Variants in RTTN observed in about 807,000 individuals in gnomAD.
RTTN encodes rotatin.
In RTTN, 182 loss-of-function variants were observed where a neutral mutation model predicts 269.2. The ratio of observed to expected loss-of-function variants is 0.68; its 90% CI spans 0.60 to 0.76. The LOEUF is 0.76. RTTN is among the 30% of genes least tolerant of loss of function. The probability of loss-of-function intolerance (pLI) is 0.00; values close to 1 mark genes in which losing one functional copy is unlikely to be tolerated. For missense variants in RTTN, 2,545 were observed against 2,608.6 expected (o/e 0.98, Z 0.53); for synonymous variants, 1,006 against 963.5 (o/e 1.04, Z -0.82).
chr18:70,188,046 A>T, intron 10 of RTTN, 62 bp downstream of exon 10: 2 of 1,014,126 alleles, frequency 2.0e-6, no homozygotes, highest in Non-Finnish European at 3.0e-6. Context: ...AAACCGGCTT[A>T]AAAGAACCAA....
intron 35 of RTTN, among the ~76,000 whole-genome samples, chr18:70,060,820 T>G (rs116115216): frequency 2.2e-3 from 328 of 152,286 alleles, no homozygotes; most frequent in African/African-American, 7.5e-3. Context: ...TCAACTTTTT[T>G]TTTTTTTAGT....
chr18:70,081,016 A>AT (rs2058553914), intron 32 of RTTN, among the ~76,000 whole-genome samples: 1 of 151,654 alleles, frequency 6.6e-6, no homozygotes, highest in African/African-American at 2.4e-5. Context: ...AATTAATGGT[A>AT]TTCGCAGTGA....
At chr18:70,193,638 A>G (rs576026365) in intron 7 of RTTN, among the ~76,000 whole-genome samples, 185 bp from the exon 8 acceptor site, 4 of 152,340 alleles carry the variant, frequency 2.6e-5, no homozygotes. Context: ...ATTTAGGTTT[A>G]TATCTAACTG....
At chr18:70,017,269 C>T (rs2056569140) in intron 46 of RTTN, 138 bp downstream of exon 46, 2 of 814,858 alleles carry the variant, frequency 2.5e-6, no homozygotes, top group African/African-American at 1.7e-5. Context: ...CTGATTCATT[C>T]CCATGCCTTC....
At chr18:70,053,147 T>G (rs1043581053) in intron 38 of RTTN, 2 of 152,218 alleles carry the variant, frequency 1.3e-5, no homozygotes, top group Non-Finnish European at 2.9e-5. Flanking sequence ...GCATACATCT[T>G]GTGTATCTTC....
Position 70,166,138 on chromosome 18 carries a change from A to G in RTTN, c.1853T>C (p.Val618Ala), listed in dbSNP as rs2060979827. 2 of 1,613,608 alleles carry G rather than the reference A, an allele frequency of 1.2e-6. No individual in the cohort carries two copies. Among genetic ancestry groups the G allele is most frequent in the Admixed American group, 3.3e-5 (2 of 60,022 alleles). ...SPLLQGESQK[V>A]LLHMLSHPLP... ...TGGGTGAGACAACATATGGAGAAGC[A>G]CCTTCTGACTTTCTCCTTGTAGTAA... Residue 618 changes from valine to alanine, a missense_variant, in exon 14 of 49, where the codon GTG (valine) becomes GCG (alanine). By Grantham distance (64) the Val-to-Ala change is moderately conservative. Transcript: ENST00000640769.
chr18:70,075,218 G>T, intron 33 of RTTN, 134 bp downstream of exon 33: 1 of 591,820 alleles, frequency 1.7e-6, no homozygotes, highest in Non-Finnish European at 2.8e-6. Context: ...CATCTCTCTG[G>T]GTGGTAGAAC....
At position 70,057,790 on chromosome 18, in the gene RTTN, G is replaced by C; in HGVS notation, c.4983C>G (p.Leu1661=). 1 of 1,613,874 alleles carries C rather than the reference G, an allele frequency of 6.2e-7. No homozygotes were observed. ...GAGGTGATGAAGGCAGCAGGGCTCT[G>C]AGTTCCTGGACACATGTCTGTATGA... ...ATLIQTCVQE[L]RALLPSSPPA... Residue 1661 remains leucine, a synonymous_variant, in exon 37 of 49, where the codon CTC becomes CTG. Coordinates refer to ENST00000640769, the MANE Select transcript of RTTN (RefSeq NM_173630.4).
chr18:70,106,534 T>C (rs1429469907), intron 28 of RTTN, among the ~76,000 whole-genome samples: 1 of 152,164 alleles, frequency 6.6e-6, no homozygotes, highest in African/African-American at 2.4e-5. Flanking sequence ...TTGTAGATAT[T>C]GCCATCCCTA....
In RTTN at chr18:70,024,785, C is replaced by T. The variant is rs760437411; in HGVS notation, c.5887G>A (p.Asp1963Asn). The part of the protein sequence containing the change: ...LHSLWPWILM[D>N]DSLMQISLQL... ...AGAGAAATTTGCATCAATGAATCAT[C>T]CATCAAAATCCAAGGCCAGAGAGAG... Residue 1963 changes from aspartate to asparagine, a missense_variant, in exon 44 of 49, where the codon GAT (aspartate) becomes AAT (asparagine). Transcript: ENST00000640769. The T allele has an allele frequency of 6.2e-7, 1 of 1,613,846 alleles. No homozygotes were observed. The highest frequency in any genetic ancestry group is 2.2e-5 in the East Asian group (1 of 44,872).
intron 28 of RTTN, among the ~76,000 whole-genome samples, chr18:70,093,468 T>C (rs1203082921): frequency 6.6e-6 from 1 of 152,244 alleles, no homozygotes; most frequent in Non-Finnish European, 1.5e-5. Flanking sequence ...TATTTTGAGA[T>C]ATGTCTCATC....
intron 40 of RTTN, among the ~76,000 whole-genome samples, chr18:70,033,172 A>C (rs1004038276): frequency 1.3e-5 from 2 of 152,050 alleles, no homozygotes; most frequent in Non-Finnish European, 1.5e-5. Flanking sequence ...TCCTGCTCCC[A>C]CCATGTGAGA....
At chr18:70,108,012 C>T (rs2059366538) in intron 28 of RTTN, among the ~76,000 whole-genome samples, 1 of 152,232 alleles carries the variant, frequency 6.6e-6, no homozygotes, top group African/African-American at 2.4e-5. Flanking sequence ...CAGTGGCTCA[C>T]ACCCGTAATC....
intron 39 of RTTN, among the ~76,000 whole-genome samples, chr18:70,050,615 A>G (rs2057633072): frequency 6.6e-6 from 1 of 152,206 alleles, no homozygotes; most frequent in South Asian, 2.1e-4. Context: ...TGTAAAGACA[A>G]ATGCACACAT....
chr18:70,187,195 C>T (rs138325219), intron 10 of RTTN, among the ~76,000 whole-genome samples: 3 of 152,080 alleles, frequency 2.0e-5, no homozygotes, highest in Admixed American at 6.5e-5. Flanking sequence ...TAAAAAAGAA[C>T]GAGAAAATCT....
At chr18:70,069,048 G>A (rs1390874385) in intron 34 of RTTN, among the ~76,000 whole-genome samples, 2 of 152,128 alleles carry the variant, frequency 1.3e-5, no homozygotes, top group Non-Finnish European at 2.9e-5. Context: ...GTCAAAGAGT[G>A]CAAACTTTCA....
At chr18:70,100,913 C>A (rs1463834379) in intron 28 of RTTN, among the ~76,000 whole-genome samples, 1 of 152,112 alleles carries the variant, frequency 6.6e-6, no homozygotes, top group Non-Finnish European at 1.5e-5. Context: ...AGCCTTGCAT[C>A]CCAGGGATGA....
intron 37 of RTTN, 70 bp from the exon 38 acceptor site, chr18:70,054,354 T>C (rs1398280823): frequency 2.1e-6 from 3 of 1,400,414 alleles, no homozygotes; most frequent in Non-Finnish European, 2.9e-6. Context: ...ATACAGCATT[T>C]TACTTTTGTA....
chr18:70,052,203 T>C (rs1297324427), intron 38 of RTTN, among the ~76,000 whole-genome samples: 1 of 152,186 alleles, frequency 6.6e-6, no homozygotes, highest in Non-Finnish European at 1.5e-5. Context: ...CAGGGGGATC[T>C]GTCATCTTTT....
Sources: gnomAD v4.1 joint callset for allele counts (sites outside exome capture counted in the v4.1 genomes callset) on GRCh38, gnomAD v4.1.1 for gene constraint, MANE v1.5 for transcripts, NCBI Gene and HGNC (gene_info 2026-07-23, HGNC 2026-07-21) for gene names.